The following APBA1 variants were observed in gnomAD, a reference collection of about 807,000 sequenced individuals.
APBA1 encodes the protein amyloid beta precursor protein binding family A member 1, also known as amyloid-beta A4 precursor protein-binding family A member 1.
In APBA1, 55 loss-of-function variants were observed where a neutral mutation model predicts 86.6. That is an observed-to-expected ratio of 0.64 (90% CI 0.51 to 0.80). APBA1 has a LOEUF of 0.80. Among genes scored for constraint, APBA1 ranks in the 30% least tolerant of loss-of-function variants. The probability of loss-of-function intolerance (pLI) is 0.00; values close to 1 mark genes in which losing one functional copy is unlikely to be tolerated. For synonymous variants in APBA1, 511 were observed against 493.9 expected (o/e 1.03, Z -0.46); for missense variants, 1,090 against 1,183.0 (o/e 0.92, Z 1.15).
rs780425686 is a variant in APBA1, at chr9:69,456,305, G to A, written c.1730C>T (p.Pro577Leu). The A allele has an allele frequency of 6.2e-7, 1 of 1,614,218 alleles. No individual in the cohort carries two copies. The highest frequency in any genetic ancestry group is 8.5e-7 in the Non-Finnish European group (1 of 1,180,034). The change falls in exon 8 of 13, where the codon CCA becomes CTA. Residue 577 changes from proline (P) to leucine (L), a missense_variant. Around this residue, in one of 6 missense-constraint regions of APBA1, gnomAD observed 103 missense variants for 91.9 expected, o/e 1.12. Transcript: ENST00000265381. ...NSQENVEASHPSQDGKRQYKM... is the reference protein window; with the variant it reads ...NSQENVEASHLSQDGKRQYKM... ...GTACTGCCTTTTCCCATCCTGGGAT[G>A]GGTGGGACGCTTCCACGTTCTCCTG...
chr9:69,506,329 C>G (rs1035263351), intron 2 of APBA1, among the ~76,000 whole-genome samples: 4 of 146,592 alleles, frequency 2.7e-5, no homozygotes, highest in African/African-American at 1.0e-4. Context: ...AAAATCGGGT[C>G]ACTCCCACCC....
chr9:69,434,782 T>A (rs1834671911), intron 11 of APBA1, among the ~76,000 whole-genome samples: 1 of 152,050 alleles, frequency 6.6e-6, no homozygotes, highest in Non-Finnish European at 1.5e-5. Context: ...TACTAAAATG[T>A]CCACTTTAAC....
chr9:69,591,019 G>A lies in APBA1; in HGVS notation c.-69-73740C>T, dbSNP rs185276938. On this transcript the variant is annotated intron_variant, in intron 1 of 12. Coordinates refer to ENST00000265381, the MANE Select transcript of APBA1 (RefSeq NM_001163.4). The stretch of plus-strand genomic sequence containing the variant: ...TCCCACTGTTGCCATGACTCCAAGA[G>A]GTCCCCCGTACCATGGTCCCAAACT... Among the ~76,000 whole-genome samples, 21 of 152,308 alleles carry A rather than the reference G, an allele frequency of 1.4e-4. No homozygotes were observed. The East Asian group carries it at 3.3e-3, about 24-fold the overall frequency.
At chr9:69,538,063 A>C (rs1836541529) in intron 1 of APBA1, among the ~76,000 whole-genome samples, 1 of 149,764 alleles carries the variant, frequency 6.7e-6, no homozygotes, top group Admixed American at 6.6e-5. Flanking sequence ...AGCCTTGAAA[A>C]AAAAATGCAC....
intron 1 of APBA1, among the ~76,000 whole-genome samples, chr9:69,656,871 C>T (rs1365004353): frequency 1.4e-5 from 2 of 144,556 alleles, no homozygotes; most frequent in Non-Finnish European, 3.0e-5. Context: ...CGGAGTCTCG[C>T]TCTGTCGCCC....
At chr9:69,449,079 A>G (rs1010939039) in intron 10 of APBA1, among the ~76,000 whole-genome samples, 5 of 152,212 alleles carry the variant, frequency 3.3e-5, no homozygotes, top group Non-Finnish European at 7.3e-5. Flanking sequence ...CAATGAGCAC[A>G]TGTGAGTTGC....
chr9:69,546,237 A>G (rs1430864052), intron 1 of APBA1, among the ~76,000 whole-genome samples: 2 of 152,230 alleles, frequency 1.3e-5, no homozygotes, highest in African/African-American at 4.8e-5. Context: ...AACTGTGGAA[A>G]TCTGAAATCC....
At chr9:69,610,900 C>G (rs28831999) in intron 1 of APBA1, among the ~76,000 whole-genome samples, 6 of 151,996 alleles carry the variant, frequency 3.9e-5, no homozygotes, top group African/African-American at 1.4e-4. Context: ...CTTGTTTTTT[C>G]TTAGAACTGA....
intron 1 of APBA1, among the ~76,000 whole-genome samples, chr9:69,537,804 G>T (rs1339109668): frequency 3.3e-5 from 5 of 149,946 alleles, no homozygotes; most frequent in African/African-American, 9.7e-5. Flanking sequence ...TTAAACACTT[G>T]CCAGGAGGCT....
intron 1 of APBA1, among the ~76,000 whole-genome samples, chr9:69,560,548 T>C (rs945586812): frequency 3.3e-5 from 5 of 152,194 alleles, no homozygotes; most frequent in African/African-American, 1.2e-4. Flanking sequence ...TGATCAAAAT[T>C]CTTACCTCAC....
Position 69,431,114 on chromosome 9 carries a change from G to T in APBA1, c.*213C>A. 1 of 488,862 alleles carries T rather than the reference G, an allele frequency of 2.0e-6. No individual in the cohort carries two copies. The highest frequency in any genetic ancestry group is 3.6e-6 in the Non-Finnish European group (1 of 280,770). The allele number at this position is 488,862 out of a possible 1,614,324, so 30.3% of individuals were successfully genotyped here. A position where few individuals can be genotyped will look rare whatever the true frequency, so the allele number is the denominator to read the frequency against. ...TGCTGGCTGCTCTCCATCCTCAAGG[G>T]AGTGCATACGAAACTTCCCTGGTAT... is the stretch of plus-strand genomic sequence containing the variant. On this transcript the variant is annotated 3_prime_UTR_variant, in exon 13 of 13. Transcript: ENST00000265381.
chr9:69,529,535 G>A (rs1836391956), intron 1 of APBA1, among the ~76,000 whole-genome samples: 1 of 152,054 alleles, frequency 6.6e-6, no homozygotes, highest in Non-Finnish European at 1.5e-5. Flanking sequence ...TAGTTCATTG[G>A]CCGTGTTGAT....
chr9:69,486,322 A>T (rs954204334), intron 2 of APBA1, among the ~76,000 whole-genome samples: 1 of 152,122 alleles, frequency 6.6e-6, no homozygotes, highest in Non-Finnish European at 1.5e-5. Flanking sequence ...GGGGAGACAT[A>T]CAAATAGCTC....
chr9:69,605,360 C>A (rs1233332659), intron 1 of APBA1, among the ~76,000 whole-genome samples: 2 of 152,126 alleles, frequency 1.3e-5, no homozygotes, highest in African/African-American at 4.8e-5. Flanking sequence ...TCTTATACAG[C>A]TATAAAATCA....
intron 2 of APBA1, among the ~76,000 whole-genome samples, chr9:69,491,463 G>A (rs1835709080): frequency 6.6e-6 from 1 of 151,940 alleles, no homozygotes; most frequent in African/African-American, 2.4e-5. Flanking sequence ...CATGGGGTGG[G>A]GGGAGGTGGA....
At chr9:69,562,154 A>T (rs1367783686) in intron 1 of APBA1, among the ~76,000 whole-genome samples, 1 of 152,170 alleles carries the variant, frequency 6.6e-6, no homozygotes, top group Admixed American at 6.5e-5. Context: ...TCCTGATTTT[A>T]TCATTATACA....
chr9:69,592,721 C>T (rs1447767235), intron 1 of APBA1, among the ~76,000 whole-genome samples: 2 of 152,208 alleles, frequency 1.3e-5, no homozygotes, highest in African/African-American at 2.4e-5. Context: ...GACATGCTTG[C>T]TTCCCCTTCC....
At chr9:69,568,941 T>TA (rs1350907601) in intron 1 of APBA1, among the ~76,000 whole-genome samples, 1 of 152,168 alleles carries the variant, frequency 6.6e-6, no homozygotes, top group Admixed American at 6.6e-5. Flanking sequence ...AGCCAGGATA[T>TA]AAAAACTGGA....
At chr9:69,447,627 C>T (rs1834931866) in intron 10 of APBA1, among the ~76,000 whole-genome samples, 1 of 152,304 alleles carries the variant, frequency 6.6e-6, no homozygotes, top group Admixed American at 6.5e-5. Context: ...CCTAGCATTT[C>T]ACCTGACACC....
Sources: gnomAD v4.1 joint callset for allele counts (sites outside exome capture counted in the v4.1 genomes callset) on GRCh38, gnomAD v4.1.1 for gene constraint, gnomAD v4.1.1 regional missense constraint, MANE v1.5 for transcripts, NCBI Gene and HGNC (gene_info 2026-07-23, HGNC 2026-07-21) for gene names.